Variants in SLC30A8 observed in about 807,000 individuals in gnomAD.
SLC30A8 encodes the protein proton-coupled zinc antiporter SLC30A8.
A neutral mutation model predicts 36.9 loss-of-function variants in SLC30A8; 27 were observed. The ratio of observed to expected loss-of-function variants is 0.73; its 90% confidence interval spans 0.54 to 1.01. The LOEUF (loss-of-function observed/expected upper bound fraction) is 1.01, where lower values mean the gene tolerates loss of function less well. SLC30A8 is among the 50% of genes least tolerant of loss of function. The pLI, the probability that SLC30A8 is intolerant of heterozygous loss-of-function variation, is 0.00. For synonymous variants in SLC30A8, 164 were observed against 172.4 expected, an observed-to-expected ratio of 0.95 and a Z score of 0.38; for missense variants, 439 against 452.0, an observed-to-expected ratio of 0.97 and a Z score of 0.26.
chr8:117,160,760 C>A (rs1055735001), intron 4 of SLC30A8, among the ~76,000 whole-genome samples: 1 of 152,180 alleles, frequency 6.6e-6, no homozygotes, highest in Non-Finnish European at 1.5e-5. Context: ...AAACAATGAA[C>A]ACCTGAAAAC....
rs1004823290 is a variant in SLC30A8 at position 117,176,681 on chromosome 8, G to A, written c.*4000G>A. ...TTAAATTCTATTTTAAAATGTTAAT[G>A]TGTGTTGTTTAAAATAAAATCAAGA... is the stretch of plus-strand genomic sequence containing the variant. On this transcript the variant is annotated 3_prime_UTR_variant, in exon 8 of 8. Coordinates refer to ENST00000456015, the MANE Select transcript of SLC30A8 (RefSeq NM_173851.3). 7 of 152,514 alleles carry A rather than the reference G, an allele frequency of 4.6e-5. No individual in the cohort carries two copies. Among genetic ancestry groups the A allele is most frequent in the African/African-American group, 1.7e-4 (7 of 41,440 alleles). 9.4% of individuals were successfully genotyped at this position (152,514 alleles called of 1,614,324 possible). A position where few individuals can be genotyped will look rare whatever the true frequency, so the allele number is the denominator to read the frequency against.
chr8:117,006,097 G>A (rs1436406529), intron 1 of SLC30A8, among the ~76,000 whole-genome samples: 1 of 152,136 alleles, frequency 6.6e-6, no homozygotes, highest in Non-Finnish European at 1.5e-5. Context: ...TTATCCAGAG[G>A]CACTAATAAC....
intron 1 of SLC30A8, among the ~76,000 whole-genome samples, chr8:117,023,952 A>G (rs975163679): frequency 2.6e-5 from 4 of 152,076 alleles, no homozygotes; most frequent in Non-Finnish European, 5.9e-5. Flanking sequence ...GATAGAAACT[A>G]CCAGTTTCAT....
chr8:116,965,697 C>A (rs1195333936), intron 1 of SLC30A8, among the ~76,000 whole-genome samples: 1 of 152,070 alleles, frequency 6.6e-6, no homozygotes, highest in Non-Finnish European at 1.5e-5. Context: ...CCCCTCCTGA[C>A]CCCTAGAAGT....
chr8:117,087,341 G>A (rs1350656113), intron 2 of SLC30A8, among the ~76,000 whole-genome samples: 1 of 152,134 alleles, frequency 6.6e-6, no homozygotes, highest in Non-Finnish European at 1.5e-5. Flanking sequence ...AGCTAGTGTG[G>A]CAACCGATGA....
chr8:117,097,207 G>A (rs1819408495), intron 2 of SLC30A8, among the ~76,000 whole-genome samples: 1 of 150,704 alleles, frequency 6.6e-6, no homozygotes, highest in Non-Finnish European at 1.5e-5. Context: ...AGACCATCCT[G>A]GCTAACATGG....
chr8:117,094,106 A>G (rs913012775), intron 2 of SLC30A8, among the ~76,000 whole-genome samples: 14 of 152,222 alleles, frequency 9.2e-5, no homozygotes, highest in African/African-American at 3.4e-4. Context: ...AGCCCTGACT[A>G]AGGGAGCCCC....
At chr8:117,146,827 G>T (rs1326093020) in intron 1 of SLC30A8, 127 bp from the exon 2 acceptor site, 2 of 1,459,918 alleles carry the variant, frequency 1.4e-6, no homozygotes, top group African/African-American at 2.8e-5. Context: ...AGAAGGAGCT[G>T]CAAATGAACA....
intron 1 of SLC30A8, among the ~76,000 whole-genome samples, chr8:117,138,060 CAAA>C (rs60065374): frequency 1.6e-4 from 8 of 49,978 alleles, no homozygotes; most frequent in East Asian, 5.8e-4. Flanking sequence ...TTCATTGTAG[CAAA>C]AAAAAAAAAA....
In SLC30A8 at chr8:117,002,812, C is replaced by A. The variant is rs111545543; in HGVS notation, c.-265-36407C>A. 7.8e-3 allele frequency among the ~76,000 whole-genome samples: 1,187 copies of A among 152,214 alleles called. 15 individuals are homozygous for A. The highest frequency in any genetic ancestry group is 0.027 in the African/African-American group (1,120 of 41,524). ...TAGAGACGGGGTTTCACCGTGTTGG[C>A]CAGGATGGTCTCGATCTCTTGACCT... On this transcript the variant is annotated intron_variant, in intron 1 of 10. Coordinates refer to the SLC30A8 transcript ENST00000427715.
chr8:117,150,667 C>G (rs1230743515), intron 2 of SLC30A8, among the ~76,000 whole-genome samples: 1 of 151,940 alleles, frequency 6.6e-6, no homozygotes, highest in Non-Finnish European at 1.5e-5. Flanking sequence ...GTGCAGTGGC[C>G]CGATCTTGGC....
intron 1 of SLC30A8, among the ~76,000 whole-genome samples, chr8:117,009,360 A>G (rs1276958234): frequency 1.3e-5 from 2 of 152,178 alleles, no homozygotes; most frequent in Non-Finnish European, 2.9e-5. Flanking sequence ...GAGAGGGAAG[A>G]AAAAAAGACT....
At chr8:117,165,049 T>TAA in intron 6 of SLC30A8, among the ~76,000 whole-genome samples, 1 of 152,334 alleles carries the variant, frequency 6.6e-6, no homozygotes, top group African/African-American at 2.4e-5. Flanking sequence ...CTTTCTAGGC[T>TAA]ACATCTTTAC....
At chr8:117,152,170 C>T (rs1026701267) in intron 2 of SLC30A8, among the ~76,000 whole-genome samples, 8 of 152,080 alleles carry the variant, frequency 5.3e-5, no homozygotes, top group African/African-American at 1.9e-4. Context: ...GTAGTAAGAG[C>T]AATAAAGGTT....
chr8:117,048,556 A>G (rs570475872), intron 2 of SLC30A8, among the ~76,000 whole-genome samples: 1 of 152,200 alleles, frequency 6.6e-6, no homozygotes, highest in Non-Finnish European at 1.5e-5. Flanking sequence ...TGCTTCATTT[A>G]TCACTAGATC....
chr8:116,992,307 T>C (rs1307143992), intron 1 of SLC30A8, among the ~76,000 whole-genome samples: 1 of 152,164 alleles, frequency 6.6e-6, no homozygotes, highest in Non-Finnish European at 1.5e-5. Context: ...GAGTAACTTG[T>C]ATCAGACTAA....
rs575860497 is a variant in SLC30A8 at position 117,126,161 on chromosome 8, T to C, written c.-225-9119T>C. Among the ~76,000 whole-genome samples, 9 of 152,142 alleles carry C rather than the reference T, an allele frequency of 5.9e-5. No individual in the cohort carries two copies. The East Asian group carries it at 1.6e-3, about 26-fold the overall frequency. On this transcript the variant is annotated intron_variant, in intron 2 of 10. Coordinates refer to the SLC30A8 transcript ENST00000427715. ...ACGTCCAATCAAGTGTAGCTTTTTC[T>C]CCATGTTAGTTGACTTGACAACTAG...
chr8:117,066,383 G>A (rs1016861170), intron 2 of SLC30A8, among the ~76,000 whole-genome samples: 8 of 152,170 alleles, frequency 5.3e-5, no homozygotes, highest in Non-Finnish European at 1.2e-4. Flanking sequence ...AAGAAGTGGT[G>A]GAAACAGCTT....
chr8:116,951,179 G>A (rs1813979793), intron 1 of SLC30A8: 1 of 152,214 alleles, frequency 6.6e-6, no homozygotes, highest in South Asian at 2.1e-4. Flanking sequence ...GTAGAGTAAG[G>A]CATCGAACTC....
Sources: allele counts gnomAD v4.1 joint callset (sites outside exome capture counted in the v4.1 genomes callset), GRCh38; gene constraint gnomAD v4.1.1; transcripts MANE v1.5; gene names NCBI Gene and HGNC (gene_info 2026-07-23, HGNC 2026-07-21).